ST7L: variants seen among roughly 807,000 people sequenced by gnomAD.
ST7L encodes suppressor of tumorigenicity 7 protein-like.
In ST7L, 57 loss-of-function variants were observed where a neutral mutation model predicts 72.5. The observed-to-expected ratio is 0.79, with a 90% CI of 0.64 to 0.98. The LOEUF is 0.98. ST7L is among the 50% of genes least tolerant of loss of function. ST7L has a pLI of 0.00. For synonymous variants in ST7L, 221 were observed against 240.9 expected, an observed-to-expected ratio of 0.92 and a Z score of 0.77; for missense variants, 576 against 672.2, an observed-to-expected ratio of 0.86 and a Z score of 1.58.
At chr1:112,601,295 G>A (rs902932611) in intron 3 of ST7L, among the ~76,000 whole-genome samples, 8 of 152,094 alleles carry the variant, frequency 5.3e-5, no homozygotes, top group African/African-American at 1.9e-4. Context: ...ACCCAGGCTG[G>A]AGTACAGTGG....
At chr1:112,594,225 A>G (rs1343555337) in intron 5 of ST7L, among the ~76,000 whole-genome samples, 2 of 151,902 alleles carry the variant, frequency 1.3e-5, no homozygotes, top group Non-Finnish European at 2.9e-5. Flanking sequence ...AAAAAAAAAA[A>G]AAGGGCTTAC....
chr1:112,539,612 C>T (rs539593404), intron 14 of ST7L: 47 of 800,586 alleles, frequency 5.9e-5, no homozygotes, highest in African/African-American at 1.9e-4. Flanking sequence ...GCTGAGATCA[C>T]GCCATTGCAC....
rs561407393 is a variant in ST7L, at chr1:112,595,155, T to C, written c.622+2816A>G. On this transcript the variant is annotated intron_variant, in intron 5 of 14. Transcript: ENST00000358039. ...CCAAGGGGGGGCGGATCACCTGAGG[T>C]TGGGGTTCGAGACCATCCTGACCAA... Among the ~76,000 whole-genome samples the C allele has an allele frequency of 8.9e-4, 135 of 151,628 alleles. 1 individual carries two copies. In the South Asian group the frequency reaches 0.016, roughly 18 times the overall value.
chr1:112,534,732 A>G (rs1260733280), intron 14 of ST7L, among the ~76,000 whole-genome samples: 2 of 152,208 alleles, frequency 1.3e-5, no homozygotes, highest in Non-Finnish European at 2.9e-5. Flanking sequence ...AGTGTTTCCT[A>G]TTGTGAATTA....
At chr1:112,590,853 AG>A (rs1665589200) in intron 6 of ST7L, among the ~76,000 whole-genome samples, 1 of 152,102 alleles carries the variant, frequency 6.6e-6, no homozygotes, top group Non-Finnish European at 1.5e-5. Context: ...AAAGTACTCA[AG>A]ATTGAATGCT....
intron 13 of ST7L, among the ~76,000 whole-genome samples, chr1:112,548,930 C>T (rs1047668374): frequency 6.6e-6 from 1 of 151,930 alleles, no homozygotes; most frequent in Non-Finnish European, 1.5e-5. Context: ...TTTTTCAATT[C>T]GTTCTTCTTC....
chr1:112,604,143 A>G (rs1023346080), intron 3 of ST7L, among the ~76,000 whole-genome samples: 2 of 152,106 alleles, frequency 1.3e-5, no homozygotes, highest in African/African-American at 4.8e-5. Context: ...TCCTGTCTCT[A>G]CTAAAAATAC....
intron 13 of ST7L, among the ~76,000 whole-genome samples, chr1:112,546,956 A>G (rs1657173635): frequency 6.6e-6 from 1 of 151,836 alleles, no homozygotes; most frequent in Admixed American, 6.6e-5. Context: ...ATAAATCTCT[A>G]TATATGTACA....
chr1:112,560,179 G>A (rs1659875658), intron 11 of ST7L, among the ~76,000 whole-genome samples: 1 of 151,980 alleles, frequency 6.6e-6, no homozygotes, highest in Admixed American at 6.6e-5. Context: ...AGGATCACGA[G>A]GTTAGGAGAT....
At chr1:112,542,460 G>T (rs1656261957) in intron 13 of ST7L, among the ~76,000 whole-genome samples, 1 of 152,286 alleles carries the variant, frequency 6.6e-6, no homozygotes, top group East Asian at 1.9e-4. Context: ...CATTTTAAGT[G>T]CTTAATGTGA....
At chr1:112,619,678 GGGCGCT>G (rs746143710), upstream of ST7L, 4 of 594,364 alleles carry the variant, frequency 6.7e-6, no homozygotes, top group Non-Finnish European at 1.2e-5. Context: ...GCGCGGGCGC[GGGCGCT>G]GGCGTTAGGA....
rs140533837 is a variant in ST7L at position 112,588,123 on chromosome 1, A to G, written c.701+3402T>C. 6.9e-3 allele frequency among the ~76,000 whole-genome samples: 1,058 copies of G among 152,328 alleles called. 6 individuals carry two copies. Among genetic ancestry groups the G allele is most frequent in the Non-Finnish European group, 0.012 (811 of 68,016 alleles). ...GTTCATTGCTAGGATATAGACATAC[A>G]ACTGATTTTCATATGTTGATTTTGT... is the stretch of plus-strand genomic sequence containing the variant. On this transcript the variant is annotated intron_variant, in intron 6 of 14. Transcript: ENST00000358039.
Position 112,577,092 on chromosome 1 carries a change from C to T in ST7L, c.1143-4G>A, listed in dbSNP as rs1663216722. On this transcript the variant is annotated splice_polypyrimidine_tract_variant and splice_region_variant and intron_variant, in intron 10 of 14. Coordinates refer to ENST00000358039, the MANE Select transcript of ST7L (RefSeq NM_017744.5). Reference sequence around the variant, plus strand: ...GGAGGCTGTTTCTGGAGAGAATCTACAAGAAAACCACAAAATGAAAAAATA... The same window carrying T: ...GGAGGCTGTTTCTGGAGAGAATCTATAAGAAAACCACAAAATGAAAAAATA... 1.3e-6 allele frequency: 2 copies of T among 1,529,326 alleles called. No homozygotes were observed. Among genetic ancestry groups the T allele is most frequent in the Non-Finnish European group, 1.8e-6 (2 of 1,133,066 alleles). The allele number at this position is 1,529,326 out of a possible 1,614,324, so 94.7% of individuals were successfully genotyped here. A position where few individuals can be genotyped will look rare whatever the true frequency, so the allele number is the denominator to read the frequency against.
At chr1:112,580,336 A>T (rs1444902357) in intron 9 of ST7L, among the ~76,000 whole-genome samples, 1 of 152,160 alleles carries the variant, frequency 6.6e-6, no homozygotes. Context: ...TATTTTTTTT[A>T]GAAATGGGTT....
At chr1:112,582,564 C>T in intron 7 of ST7L, 92 bp from the exon 8 acceptor site, 1 of 658,680 alleles carries the variant, frequency 1.5e-6, no homozygotes, top group Admixed American at 3.1e-5. Context: ...ATTTGCTTCC[C>T]TTGGAAGAGT....
rs979809157 is a variant in ST7L at position 112,550,487 on chromosome 1, T to C, written c.1489+114A>G. 1.0e-4 allele frequency: 70 copies of C among 697,270 alleles called. No homozygotes were observed. In the East Asian group the frequency reaches 1.9e-3, roughly 19 times the overall value. The allele number at this position is 697,270 out of a possible 1,614,324, so 43.2% of individuals were successfully genotyped here. ...TACATCCCAGAAGTGGCTAAAATAG[T>C]ATTTAAACAGTGTCCTGAATTTAAA... is the stretch of plus-strand genomic sequence containing the variant. On this transcript the variant is annotated intron_variant, in intron 13 of 14. Coordinates refer to ENST00000358039, the MANE Select transcript of ST7L (RefSeq NM_017744.5).
At chr1:112,581,100 T>C (rs1664037443) in intron 9 of ST7L, among the ~76,000 whole-genome samples, 1 of 152,202 alleles carries the variant, frequency 6.6e-6, no homozygotes, top group African/African-American at 2.4e-5. Flanking sequence ...ACAGTAAAAA[T>C]ACTTGTCCCA....
At chr1:112,560,967 G>GAA (rs35379282) in intron 11 of ST7L, among the ~76,000 whole-genome samples, 22 of 90,198 alleles carry the variant, frequency 2.4e-4, no homozygotes, top group Admixed American at 3.5e-4. Flanking sequence ...ACATCTTAAA[G>GAA]AAAAAAAAAA....
chr1:112,573,026 A>G lies in ST7L; in HGVS notation c.1245+3960T>C, dbSNP rs377207873. Among the ~76,000 whole-genome samples, 220 of 152,300 alleles carry G rather than the reference A, an allele frequency of 1.4e-3. 1 individual carries two copies. The highest frequency in any genetic ancestry group is 5.0e-3 in the African/African-American group (207 of 41,572). The stretch of plus-strand genomic sequence containing the variant: ...TGGCAAATCCCTAAAGAACCTGATC[A>G]AGAAAAATAAAACTAGCCAAGGTTA... On this transcript the variant is annotated intron_variant, in intron 11 of 14. Transcript: ENST00000358039.
Sources: gnomAD v4.1 joint callset for allele counts (sites outside exome capture counted in the v4.1 genomes callset) on GRCh38, gnomAD v4.1.1 for gene constraint, MANE v1.5 for transcripts, NCBI Gene and HGNC (gene_info 2026-07-23, HGNC 2026-07-21) for gene names.